CAMK2D: variants seen among roughly 807,000 people sequenced by gnomAD.
CAMK2D encodes the protein calcium/calmodulin dependent protein kinase II delta, also known as calcium/calmodulin-dependent protein kinase type II subunit delta.
In CAMK2D, 37 loss-of-function variants were observed where a neutral mutation model predicts 84.0. The observed-to-expected ratio is 0.44, with a 90% CI of 0.34 to 0.58. The LOEUF (loss-of-function observed/expected upper bound fraction) is 0.58. Among genes scored for constraint, CAMK2D ranks in the 20% least tolerant of loss-of-function variants. CAMK2D has a pLI of 0.02. For synonymous variants in CAMK2D, 202 were observed against 212.5 expected, an observed-to-expected ratio of 0.95 and a Z score of 0.43; for missense variants, 448 against 652.5, an observed-to-expected ratio of 0.69 and a Z score of 3.41.
At chr4:113,690,645 G>T (rs564848319) in intron 2 of CAMK2D, among the ~76,000 whole-genome samples, 1 of 152,028 alleles carries the variant, frequency 6.6e-6, no homozygotes, top group African/African-American at 2.4e-5. Flanking sequence ...TTTTTGCCAC[G>T]TATGATGATT....
At chr4:113,658,993 G>A (rs753440171) in intron 3 of CAMK2D, among the ~76,000 whole-genome samples, 8 of 152,186 alleles carry the variant, frequency 5.3e-5, no homozygotes, top group Non-Finnish European at 1.0e-4. Context: ...GTGTCAGAAG[G>A]TGTTGACAAT....
At chr4:113,760,042 A>G (rs769059841) in intron 1 of CAMK2D, among the ~76,000 whole-genome samples, 1 of 152,186 alleles carries the variant, frequency 6.6e-6, no homozygotes, top group Non-Finnish European at 1.5e-5. Context: ...CCTTTCCTTT[A>G]ATTACAGTAT....
chr4:113,472,148 A>G (rs1466918585), intron 16 of CAMK2D, among the ~76,000 whole-genome samples: 1 of 152,168 alleles, frequency 6.6e-6, no homozygotes, highest in Non-Finnish European at 1.5e-5. Flanking sequence ...TTATCACGGG[A>G]TGTTCATATA....
intron 4 of CAMK2D, among the ~76,000 whole-genome samples, chr4:113,555,296 G>T (rs911396234): frequency 6.6e-6 from 1 of 152,172 alleles, no homozygotes; most frequent in Admixed American, 6.5e-5. Context: ...AGTGCTCGAG[G>T]TGGTGGGGGA....
Position 113,735,838 on chromosome 4 carries a change from T to C in CAMK2D, c.160+23482A>G, listed in dbSNP as rs148310537. On this transcript the variant is annotated intron_variant, in intron 2 of 20. Coordinates refer to ENST00000511664, the MANE Select transcript of CAMK2D (RefSeq NM_001321571.2). ...AAAGTATATTTATGTAAATATATTA[T>C]CACTGTCATCTTTGCAAATGGCAAC... 4.0e-4 allele frequency among the ~76,000 whole-genome samples: 61 copies of C among 152,242 alleles called. 3 individuals are homozygous for C. The East Asian group carries it at 0.011, about 27-fold the overall frequency.
At chr4:113,728,340 C>G (rs1317431171) in intron 2 of CAMK2D, among the ~76,000 whole-genome samples, 1 of 152,074 alleles carries the variant, frequency 6.6e-6, no homozygotes, top group East Asian at 1.9e-4. Flanking sequence ...CAATAAGTAA[C>G]AACACAGATG....
chr4:113,701,414 T>C (rs1192598111), intron 2 of CAMK2D, among the ~76,000 whole-genome samples: 1 of 152,126 alleles, frequency 6.6e-6, no homozygotes, highest in Non-Finnish European at 1.5e-5. Flanking sequence ...AAAATGTTGA[T>C]TAGAGAATTC....
chr4:113,513,976 T>A, intron 10 of CAMK2D, 63 bp from the exon 11 acceptor site: 1 of 703,396 alleles, frequency 1.4e-6, no homozygotes, highest in Non-Finnish European at 2.4e-6. Context: ...AGTATAATAA[T>A]GTCCCTGACT....
At chr4:113,708,200 T>C (rs990343007) in intron 2 of CAMK2D, among the ~76,000 whole-genome samples, 3 of 152,176 alleles carry the variant, frequency 2.0e-5, no homozygotes, top group African/African-American at 4.8e-5. Flanking sequence ...TATAGGCAAA[T>C]TGTGGTCATC....
At position 113,688,479 on chromosome 4, in the gene CAMK2D, T is replaced by C. The variant is rs77012925; in HGVS notation, c.161-26707A>G. Among the ~76,000 whole-genome samples, 763 of 152,316 alleles carry C rather than the reference T, an allele frequency of 5.0e-3. 13 individuals carry two copies. Among genetic ancestry groups the C allele is most frequent in the African/African-American group, 0.018 (736 of 41,574 alleles). On this transcript the variant is annotated intron_variant, in intron 2 of 20. Coordinates refer to ENST00000511664, the MANE Select transcript of CAMK2D (RefSeq NM_001321571.2). ...TTCATCTATTTACAAAATTATTACCTTCATACACGTTTCTAAAATTTGTGT... is the reference window on the plus strand; with the variant it reads ...TTCATCTATTTACAAAATTATTACCCTCATACACGTTTCTAAAATTTGTGT...
chr4:113,714,581 C>T (rs181543951), intron 2 of CAMK2D, among the ~76,000 whole-genome samples: 40 of 152,150 alleles, frequency 2.6e-4, no homozygotes, highest in Non-Finnish European at 4.9e-4. Flanking sequence ...AACTCCCATA[C>T]CTTCCCTATA....
At chr4:113,615,413 A>C (rs2099017193) in intron 3 of CAMK2D, among the ~76,000 whole-genome samples, 1 of 152,112 alleles carries the variant, frequency 6.6e-6, no homozygotes, top group Admixed American at 6.6e-5. Flanking sequence ...CAGCTCAACC[A>C]TTATTCTCCT....
At chr4:113,686,831 C>T (rs1172474227) in intron 2 of CAMK2D, among the ~76,000 whole-genome samples, 2 of 151,030 alleles carry the variant, frequency 1.3e-5, no homozygotes, top group African/African-American at 4.9e-5. Context: ...TTATTAAGCA[C>T]CTTTCTTATT....
chr4:113,515,152 T>C lies in CAMK2D; in HGVS notation c.736A>G (p.Lys246Glu). 1 of 1,611,592 alleles carries C rather than the reference T, an allele frequency of 6.2e-7. No homozygotes were observed. Among genetic ancestry groups the C allele is most frequent in the South Asian group, 1.1e-5 (1 of 90,984 alleles). The change falls in exon 10 of 21, where the codon AAA (lysine) becomes GAA (glutamate). Residue 246 changes from lysine to glutamate, a missense_variant. Around this residue, in one of 7 missense-constraint regions of CAMK2D, gnomAD observed 69 missense variants for 175.6 expected, o/e 0.39. Transcript: ENST00000511664. Reference protein sequence around the residue: ...PEWDTVTPEAKDLINKMLTIN... With the variant: ...PEWDTVTPEAEDLINKMLTIN... Reference sequence around the variant, plus strand: ...GTAAGCATTTTATTGATGAGGTCTTTGGCTTCAGGAGTCACCGTGTCCCAT... The same window carrying C: ...GTAAGCATTTTATTGATGAGGTCTTCGGCTTCAGGAGTCACCGTGTCCCAT...
intron 2 of CAMK2D, among the ~76,000 whole-genome samples, chr4:113,721,874 GT>G (rs2099531589): frequency 6.6e-6 from 1 of 152,090 alleles, no homozygotes; most frequent in Non-Finnish European, 1.5e-5. Context: ...GTTATCTTCT[GT>G]TTGTTCACCA....
chr4:113,465,638 A>AC (rs2097450310), intron 16 of CAMK2D, 34 bp from the exon 17 acceptor site: 1 of 1,222,446 alleles, frequency 8.2e-7, no homozygotes, highest in Admixed American at 1.8e-5. Flanking sequence ...GGTAAGAATA[A>AC]AAGACAAAAG....
chr4:113,523,589 AT>A (rs2098389603), intron 8 of CAMK2D, among the ~76,000 whole-genome samples: 1 of 152,008 alleles, frequency 6.6e-6, no homozygotes, highest in Non-Finnish European at 1.5e-5. Flanking sequence ...CCTGGGCAAC[AT>A]GGCAAAACCC....
chr4:113,463,192 ATT>A (rs911364575), intron 17 of CAMK2D, among the ~76,000 whole-genome samples: 1 of 152,144 alleles, frequency 6.6e-6, no homozygotes, highest in African/African-American at 2.4e-5. Flanking sequence ...TCTCGTCCAT[ATT>A]TTATATTTTG....
chr4:113,508,096 C>T (rs1366509777), intron 13 of CAMK2D: 8 of 624,376 alleles, frequency 1.3e-5, no homozygotes, highest in East Asian at 2.8e-5. Context: ...AGAGAAGTAC[C>T]GTGTTTTGAT....
Sources: allele counts gnomAD v4.1 joint callset (sites outside exome capture counted in the v4.1 genomes callset), GRCh38; gene constraint gnomAD v4.1.1; regional missense constraint gnomAD v4.1.1; transcripts MANE v1.5; gene names NCBI Gene and HGNC (gene_info 2026-07-23, HGNC 2026-07-21).